The following MAML3 variants were observed in gnomAD, a reference collection of about 807,000 sequenced individuals.
MAML3 encodes mastermind-like protein 3.
A neutral mutation model predicts 101.9 loss-of-function variants in MAML3; 27 were observed. The ratio of observed to expected loss-of-function variants is 0.27; its 90% CI spans 0.20 to 0.37. The LOEUF (loss-of-function observed/expected upper bound fraction) is 0.37, where lower values mean the gene tolerates loss of function less well. Among genes scored for constraint, MAML3 ranks in the 10% least tolerant of loss-of-function variants. The pLI is 1.00. For missense variants in MAML3, 1,316 were observed against 1,444.9 expected, an observed-to-expected ratio of 0.91 and a Z score of 1.45; for synonymous variants, 501 against 555.9, an observed-to-expected ratio of 0.90 and a Z score of 1.39.
At chr4:139,979,675 C>T (rs1374923610) in intron 1 of MAML3, among the ~76,000 whole-genome samples, 1 of 152,200 alleles carries the variant, frequency 6.6e-6, no homozygotes, top group Non-Finnish European at 1.5e-5. Context: ...TTAGCTTGAT[C>T]TTCTACCTTT....
At chr4:139,798,270 T>A (rs1018424205) in intron 2 of MAML3, among the ~76,000 whole-genome samples, 10 of 152,162 alleles carry the variant, frequency 6.6e-5, no homozygotes, top group Admixed American at 6.5e-5. Flanking sequence ...GAATGAATGG[T>A]AACTATTAGG....
intron 2 of MAML3, among the ~76,000 whole-genome samples, chr4:139,880,341 T>C (rs1732194498): frequency 6.6e-6 from 1 of 152,138 alleles, no homozygotes; most frequent in Non-Finnish European, 1.5e-5. Flanking sequence ...TGAGGTATTT[T>C]ACCCATCAGC....
chr4:140,030,996 C>T lies in MAML3; in HGVS notation c.468+121864G>A, dbSNP rs569739669. 1.4e-3 allele frequency among the ~76,000 whole-genome samples: 207 copies of T among 152,292 alleles called. 1 individual carries two copies. The highest frequency in any genetic ancestry group is 2.4e-3 in the Non-Finnish European group (165 of 68,032). ...GCTCCAGTTATCTTGTGATAGGCAG[C>T]GACAGCAGAGATTAAAACCCACCAG... On this transcript the variant is annotated intron_variant, in intron 1 of 4. Coordinates refer to ENST00000509479, the MANE Select transcript of MAML3 (RefSeq NM_018717.5).
At chr4:139,968,585 T>A (rs1253981190) in intron 1 of MAML3, among the ~76,000 whole-genome samples, 1 of 152,110 alleles carries the variant, frequency 6.6e-6, no homozygotes, top group Admixed American at 6.5e-5. Context: ...AAGTGCTCTT[T>A]CTGTATTAAT....
chr4:139,942,566 A>G (rs1377330089), intron 1 of MAML3, among the ~76,000 whole-genome samples: 4 of 152,114 alleles, frequency 2.6e-5, no homozygotes, highest in Middle Eastern at 3.2e-3. Flanking sequence ...TTTAGGCTGT[A>G]TATTACTTAA....
At chr4:139,863,066 C>T (rs1731815387) in intron 2 of MAML3, among the ~76,000 whole-genome samples, 1 of 149,492 alleles carries the variant, frequency 6.7e-6, no homozygotes, top group African/African-American at 2.5e-5. Flanking sequence ...AGGAAAGTCG[C>T]TTGAACCCAG....
chr4:139,779,401 C>G (rs1329050853), intron 2 of MAML3, among the ~76,000 whole-genome samples: 1 of 152,144 alleles, frequency 6.6e-6, no homozygotes, highest in Non-Finnish European at 1.5e-5. Flanking sequence ...AATTTAGAAA[C>G]TTAATTTAAA....
intron 2 of MAML3, among the ~76,000 whole-genome samples, chr4:139,837,219 C>T (rs541939030): frequency 3.3e-5 from 5 of 151,160 alleles, no homozygotes; most frequent in Admixed American, 2.0e-4. Flanking sequence ...TTTTCCTGGC[C>T]GGCGTGGTGG....
intron 1 of MAML3, among the ~76,000 whole-genome samples, chr4:139,983,743 G>A (rs1296482787): frequency 1.3e-5 from 2 of 152,164 alleles, no homozygotes; most frequent in African/African-American, 4.8e-5. Flanking sequence ...GGAGGGTGAA[G>A]ATGTAAAATA....
At chr4:140,041,387 GC>G (rs1231923923) in intron 1 of MAML3, among the ~76,000 whole-genome samples, 1 of 152,154 alleles carries the variant, frequency 6.6e-6, no homozygotes, top group Admixed American at 6.5e-5. Context: ...AGTTTGAGAG[GC>G]AGCGGTGGGT....
intron 2 of MAML3, chr4:139,731,436 A>C (rs974818317): frequency 5.5e-5 from 1 of 18,194 alleles, no homozygotes; most frequent in African/African-American, 1.9e-4. Flanking sequence ...TGTCTCTACT[A>C]AAAAAAAAAA....
intron 1 of MAML3, among the ~76,000 whole-genome samples, chr4:140,036,682 C>T (rs1173343494): frequency 6.6e-6 from 1 of 152,230 alleles, no homozygotes. Flanking sequence ...TCCAGCCCTC[C>T]TTTTCCCATT....
intron 2 of MAML3, among the ~76,000 whole-genome samples, chr4:139,881,803 G>C (rs1732226200): frequency 6.6e-6 from 1 of 152,198 alleles, no homozygotes; most frequent in Non-Finnish European, 1.5e-5. Context: ...CTGGGTTCAA[G>C]TGATTCTCCT....
intron 1 of MAML3, among the ~76,000 whole-genome samples, chr4:139,934,741 A>G (rs777959809): frequency 6.6e-6 from 1 of 152,190 alleles, no homozygotes. Flanking sequence ...CAACCACTAA[A>G]GTGTTCTTCC....
rs1397577889 is a variant in MAML3 at position 139,785,471 on chromosome 4, C to A, written c.2080-54804G>T. Among the ~76,000 whole-genome samples, 2 of 152,142 alleles carry A rather than the reference C, an allele frequency of 1.3e-5. No individual in the cohort carries two copies. The highest frequency in any genetic ancestry group is 2.9e-5 in the Non-Finnish European group (2 of 68,036). ...TGATGAGTGAATTGGGCAGTAAACA[C>A]AGCTCTTTATTTTTGTACGGAATGT... On this transcript the variant is annotated intron_variant, in intron 2 of 4. Coordinates refer to ENST00000509479, the MANE Select transcript of MAML3 (RefSeq NM_018717.5). The surrounding 1 kb of genome is among the most constrained non-coding windows in gnomAD (Gnocchi z 4.3).
chr4:139,973,058 C>T lies in MAML3; in HGVS notation c.469-82091G>A, dbSNP rs77232261. Among the ~76,000 whole-genome samples, 990 of 152,188 alleles carry T rather than the reference C, an allele frequency of 6.5e-3. 13 individuals are homozygous for T. Among genetic ancestry groups the T allele is most frequent in the African/African-American group, 0.023 (944 of 41,520 alleles). ...TTACATTTTATCTTGGATTTGTGAC[C>T]ACTGATATTCAGCTGTTGGATGACT... On this transcript the variant is annotated intron_variant, in intron 1 of 4. Transcript: ENST00000509479.
chr4:139,785,117 A>G lies in MAML3; in HGVS notation c.2080-54450T>C, dbSNP rs1730282894. Among the ~76,000 whole-genome samples the G allele has an allele frequency of 6.6e-6, 1 of 152,230 alleles. No homozygotes were observed. Among genetic ancestry groups the G allele is most frequent in the Non-Finnish European group, 1.5e-5 (1 of 68,044 alleles). ...AAAGAAGAAGGCGGCTAGCTTGGAC[A>G]CAAACACTCATGAGGCCAGGGCCGA... On this transcript the variant is annotated intron_variant, in intron 2 of 4. Transcript: ENST00000509479. This position sits in a 1 kb window ranked among gnomAD's most constrained non-coding sequence, Gnocchi z 4.3.
chr4:139,954,195 C>T (rs1476061603), intron 1 of MAML3, among the ~76,000 whole-genome samples: 18 of 152,156 alleles, frequency 1.2e-4, no homozygotes, highest in Admixed American at 1.0e-3. Flanking sequence ...ATGAGATTTA[C>T]GACCTAGGAA....
chr4:140,006,479 TG>T, intron 1 of MAML3, among the ~76,000 whole-genome samples: 1 of 149,514 alleles, frequency 6.7e-6, no homozygotes, highest in African/African-American at 2.5e-5. Flanking sequence ...CCAGTTACTC[TG>T]GAGGCTGAGG....
Sources: gnomAD v4.1 joint callset for allele counts (sites outside exome capture counted in the v4.1 genomes callset) on GRCh38, gnomAD v4.1.1 for gene constraint, Gnocchi (gnomAD v3.1) non-coding constraint, MANE v1.5 for transcripts, NCBI Gene and HGNC (gene_info 2026-07-23, HGNC 2026-07-21) for gene names.